Variants in ARHGEF26 observed in about 807,000 individuals in gnomAD.
ARHGEF26 encodes Rho guanine nucleotide exchange factor 26.
ARHGEF26 carries 59 observed loss-of-function variants against 89.4 expected under a neutral mutation model. That is an observed-to-expected ratio of 0.66 (90% confidence interval 0.54 to 0.82). The LOEUF (loss-of-function observed/expected upper bound fraction) is 0.82, where lower values mean the gene tolerates loss of function less well. ARHGEF26 is among the 40% of genes least tolerant of loss of function. The pLI, the probability that ARHGEF26 is intolerant of heterozygous loss-of-function variation, is 0.00. For synonymous variants in ARHGEF26, 500 were observed against 428.4 expected, an observed-to-expected ratio of 1.17 and a Z score of -2.06; for missense variants, 1,234 against 1,085.6, an observed-to-expected ratio of 1.14 and a Z score of -1.92.
At chr3:154,250,302 C>T (rs1718054011) in intron 12 of ARHGEF26, among the ~76,000 whole-genome samples, 1 of 152,112 alleles carries the variant, frequency 6.6e-6, no homozygotes. Flanking sequence ...GCTGGGATTA[C>T]AAGTGTGAGC....
At chr3:154,239,299 A>AGTGTGTGTGTGTGTGTGTGT (rs142191516) in intron 11 of ARHGEF26, among the ~76,000 whole-genome samples, 1 of 64,256 alleles carries the variant, frequency 1.6e-5, no homozygotes, top group African/African-American at 6.1e-5. Context: ...AGAGAGAGAG[A>AGTGTGTGTGTGTGTGTGTGT]GTGTGTGTGT....
At chr3:154,188,775 T>C (rs1713753354) in intron 7 of ARHGEF26, among the ~76,000 whole-genome samples, 1 of 152,176 alleles carries the variant, frequency 6.6e-6, no homozygotes, top group Admixed American at 6.5e-5. Flanking sequence ...GCCTCTAAGC[T>C]GATGAGAAGG....
intron 4 of ARHGEF26, among the ~76,000 whole-genome samples, chr3:154,142,043 A>T (rs1206023231): frequency 6.6e-6 from 1 of 152,180 alleles, no homozygotes; most frequent in Non-Finnish European, 1.5e-5. Flanking sequence ...TGATATTTTG[A>T]AAGGATGTAG....
rs1713040971 is a variant in ARHGEF26, at chr3:154,179,378, A to C, written c.1488-8307A>C. Among the ~76,000 whole-genome samples the C allele has an allele frequency of 2.6e-5, 4 of 152,152 alleles. No individual in the cohort carries two copies. In the South Asian group the frequency reaches 8.3e-4, roughly 32 times the overall value. Reference sequence around the variant, plus strand: ...TTTTCTCCTTCCTGCTGATTGCCTAATGAGAAGCTTTCTTGCTTTTTAGAG... The same window carrying C: ...TTTTCTCCTTCCTGCTGATTGCCTACTGAGAAGCTTTCTTGCTTTTTAGAG... On this transcript the variant is annotated intron_variant, in intron 6 of 14. Transcript: ENST00000465093.
chr3:154,176,919 T>C (rs568276254), intron 6 of ARHGEF26, among the ~76,000 whole-genome samples: 1 of 152,324 alleles, frequency 6.6e-6, no homozygotes, highest in African/African-American at 2.4e-5. Flanking sequence ...GCTAAAATTA[T>C]AGGCATACAC....
intron 4 of ARHGEF26, among the ~76,000 whole-genome samples, chr3:154,140,349 G>A (rs1369847084): frequency 6.6e-6 from 1 of 152,224 alleles, no homozygotes; most frequent in East Asian, 1.9e-4. Flanking sequence ...TGTTAAATGC[G>A]GCTGCTAGTT....
At position 154,256,539 on chromosome 3, in the gene ARHGEF26, C is replaced by CTA. The variant is rs1718513095; in HGVS notation, c.*1067_*1068dup. 1.2e-5 allele frequency: 11 copies of CTA among 917,594 alleles called. No individual in the cohort carries two copies. The highest frequency in any genetic ancestry group is 1.1e-5 in the Non-Finnish European group (9 of 799,926). 56.8% of individuals were successfully genotyped at this position (917,594 alleles called of 1,614,324 possible). ...TGAGCCACCGTGCCCAGCCTACTTT[C>CTA]TAATTAATTAAAAAAAAAAAAAAAA... On this transcript the variant is annotated 3_prime_UTR_variant, in exon 15 of 15. Transcript: ENST00000465093.
Position 154,255,879 on chromosome 3 carries a change from A to G in ARHGEF26, c.*406A>G, listed in dbSNP as rs1718466977. On this transcript the variant is annotated 3_prime_UTR_variant, in exon 15 of 15. Coordinates refer to ENST00000465093, the MANE Select transcript of ARHGEF26 (RefSeq NM_015595.4). ...GTATGGTTCTCCCAGTATTAGCAAG[A>G]TTGTATATCTGTAAAGAATGTCCAG... The G allele has an allele frequency of 1.0e-6, 1 of 994,926 alleles. No individual in the cohort carries two copies. Among genetic ancestry groups the G allele is most frequent in the South Asian group, 4.7e-5 (1 of 21,478 alleles). 61.6% of individuals were successfully genotyped at this position (994,926 alleles called of 1,614,324 possible).
intron 7 of ARHGEF26, among the ~76,000 whole-genome samples, chr3:154,190,508 A>AAAAC (rs111860465): frequency 0.018 from 2,783 of 152,194 alleles, 41 homozygotes; most frequent in African/African-American, 0.041. Flanking sequence ...ACTCCATCTC[A>AAAAC]AAACAAACAA....
intron 4 of ARHGEF26, among the ~76,000 whole-genome samples, chr3:154,139,901 T>C (rs915738779): frequency 2.0e-5 from 3 of 152,206 alleles, no homozygotes; most frequent in Admixed American, 1.3e-4. Context: ...ACAACTTCTG[T>C]AGCAGGAAGT....
intron 6 of ARHGEF26, among the ~76,000 whole-genome samples, chr3:154,154,299 C>G (rs887512065): frequency 1.3e-5 from 2 of 151,966 alleles, no homozygotes; most frequent in African/African-American, 2.4e-5. Context: ...GCTCTGGTGT[C>G]TTTTGAAATG....
intron 4 of ARHGEF26, among the ~76,000 whole-genome samples, chr3:154,144,686 G>A (rs1385112990): frequency 6.6e-6 from 1 of 152,192 alleles, no homozygotes; most frequent in Admixed American, 6.5e-5. Flanking sequence ...GCATAGAGGA[G>A]CAAGTGTCCT....
chr3:154,255,213 C>A, intron 14 of ARHGEF26, 118 bp from the exon 15 acceptor site: 2 of 1,077,720 alleles, frequency 1.9e-6, no homozygotes, highest in Non-Finnish European at 2.7e-6. Context: ...CCCACTTTCT[C>A]TTCTCACCGT....
chr3:154,229,440 A>G (rs1716698289), intron 11 of ARHGEF26, among the ~76,000 whole-genome samples: 1 of 152,182 alleles, frequency 6.6e-6, no homozygotes, highest in Non-Finnish European at 1.5e-5. Context: ...GCCTGGTTCT[A>G]CCAGATTTCA....
chr3:154,184,713 C>T (rs1175898784), intron 6 of ARHGEF26, among the ~76,000 whole-genome samples: 5 of 152,192 alleles, frequency 3.3e-5, no homozygotes, highest in South Asian at 2.1e-4. Context: ...GCCACCTAAC[C>T]GGCCTGCTTG....
chr3:154,246,244 A>G (rs2108292197), intron 12 of ARHGEF26, among the ~76,000 whole-genome samples: 1 of 152,318 alleles, frequency 6.6e-6, no homozygotes, highest in South Asian at 2.1e-4. Context: ...AGAATGTTTC[A>G]GCCAAAGGGA....
intron 9 of ARHGEF26, among the ~76,000 whole-genome samples, chr3:154,213,201 TAGAG>T (rs60158333): frequency 2.6e-4 from 36 of 136,554 alleles, no homozygotes; most frequent in African/African-American, 7.2e-4. Context: ...ACGAGTAACA[TAGAG>T]AGAGAGAGAG....
At chr3:154,155,694 A>G (rs538388191) in intron 6 of ARHGEF26, among the ~76,000 whole-genome samples, 18 of 152,140 alleles carry the variant, frequency 1.2e-4, no homozygotes, top group African/African-American at 4.3e-4. Flanking sequence ...TCAATAGAGT[A>G]TGTATGTATC....
chr3:154,185,253 T>TA (rs1184513605), intron 6 of ARHGEF26, among the ~76,000 whole-genome samples: 1 of 152,124 alleles, frequency 6.6e-6, no homozygotes, highest in South Asian at 2.1e-4. Flanking sequence ...GTTCCTACAT[T>TA]AACCACCCTG....
Sources: gnomAD v4.1 joint callset for allele counts (sites outside exome capture counted in the v4.1 genomes callset) on GRCh38, gnomAD v4.1.1 for gene constraint, MANE v1.5 for transcripts, NCBI Gene and HGNC (gene_info 2026-07-23, HGNC 2026-07-21) for gene names.